GALM: variants seen among roughly 807,000 people sequenced by gnomAD.
GALM encodes aldose 1-epimerase.
In GALM, 43 loss-of-function variants were observed where a neutral mutation model predicts 37.4. The ratio of observed to expected loss-of-function variants is 1.15; its 90% CI spans 0.90 to 1.48. The LOEUF (loss-of-function observed/expected upper bound fraction) is 1.48, where lower values mean the gene tolerates loss of function less well. Among genes scored for constraint, GALM ranks in the 40% most tolerant of loss-of-function variants. The pLI is 0.00. For missense variants in GALM, 456 were observed against 419.1 expected, an observed-to-expected ratio of 1.09 and a Z score of -0.77; for synonymous variants, 199 against 170.6, an observed-to-expected ratio of 1.17 and a Z score of -1.30.
At chr2:38,679,133 T>G (rs1665332006) in intron 2 of GALM, among the ~76,000 whole-genome samples, 1 of 152,114 alleles carries the variant, frequency 6.6e-6, no homozygotes, top group African/African-American at 2.4e-5. Flanking sequence ...ATTACAGGCA[T>G]GAGCCACCAT....
At chr2:38,703,054 TTATATATATATATATATATA>T (rs1181876277) in intron 4 of GALM, among the ~76,000 whole-genome samples, 34 of 13,956 alleles carry the variant, frequency 2.4e-3, no homozygotes, top group African/African-American at 4.4e-3. Flanking sequence ...ATGTGGGATT[TTATATATATATATATATATA>T]TATATATATA....
chr2:38,671,813 G>A (rs1190020181), intron 1 of GALM, among the ~76,000 whole-genome samples: 2 of 151,916 alleles, frequency 1.3e-5, no homozygotes, highest in Non-Finnish European at 2.9e-5. Flanking sequence ...GCAACACAGG[G>A]ACACTCTGTC....
chr2:38,675,746 T>C (rs1665244810), intron 1 of GALM, among the ~76,000 whole-genome samples, 166 bp from the exon 2 acceptor site: 1 of 151,898 alleles, frequency 6.6e-6, no homozygotes, highest in Non-Finnish European at 1.5e-5. Flanking sequence ...TTTTTTTGTA[T>C]TTTTAGTAGA....
intron 4 of GALM, among the ~76,000 whole-genome samples, chr2:38,695,947 C>A (rs1665795178): frequency 1.3e-5 from 2 of 152,082 alleles, no homozygotes; most frequent in Admixed American, 1.3e-4. Context: ...GATCCACCCG[C>A]CTTAGCCTCC....
chr2:38,724,986 T>TTC (rs1308295799), intron 4 of GALM, among the ~76,000 whole-genome samples: 1 of 152,238 alleles, frequency 6.6e-6, no homozygotes, highest in Non-Finnish European at 1.5e-5. Flanking sequence ...TCTTTGTTTC[T>TTC]TCAAGCCTTC....
chr2:38,693,766 C>T (rs1665737624), intron 4 of GALM, among the ~76,000 whole-genome samples: 1 of 152,024 alleles, frequency 6.6e-6, no homozygotes, highest in Non-Finnish European at 1.5e-5. Context: ...AGTTAAAGTA[C>T]CTTACAGAGG....
intron 4 of GALM, among the ~76,000 whole-genome samples, chr2:38,721,028 T>C (rs568953218): frequency 6.6e-6 from 1 of 152,252 alleles, no homozygotes; most frequent in African/African-American, 2.4e-5. Context: ...CAACATCACA[T>C]TGTAAGGAGA....
intron 1 of GALM, among the ~76,000 whole-genome samples, chr2:38,675,266 A>G (rs772316324): frequency 6.6e-6 from 1 of 152,110 alleles, no homozygotes; most frequent in East Asian, 1.9e-4. Context: ...TGTGCACATA[A>G]GAATATTAGC....
Position 38,733,647 on chromosome 2 carries a change from C to A in GALM, c.*82C>A, listed in dbSNP as rs937055711. 4 of 992,164 alleles carry A rather than the reference C, an allele frequency of 4.0e-6. No individual in the cohort carries two copies. The highest frequency in any genetic ancestry group is 6.5e-6 in the Non-Finnish European group (4 of 616,248). 61.5% of individuals were successfully genotyped at this position (992,164 alleles called of 1,614,324 possible). On this transcript the variant is annotated 3_prime_UTR_variant, in exon 7 of 7. Coordinates refer to ENST00000272252, the MANE Select transcript of GALM (RefSeq NM_138801.3). ...CAGAAAAAAGGTGAAGATTAAGAAGCTTTCAGAATGATTCTATGGATTAAA... is the reference window on the plus strand; with the variant it reads ...CAGAAAAAAGGTGAAGATTAAGAAGATTTCAGAATGATTCTATGGATTAAA...
chr2:38,675,526 G>GTT (rs869119386), intron 1 of GALM, among the ~76,000 whole-genome samples: 54 of 74,608 alleles, frequency 7.2e-4, no homozygotes, highest in African/African-American at 1.5e-3. Flanking sequence ...GGGTTTTTTT[G>GTT]TTTTTTTTTT....
At chr2:38,683,156 A>G (rs1208945428) in intron 3 of GALM, among the ~76,000 whole-genome samples, 1 of 152,204 alleles carries the variant, frequency 6.6e-6, no homozygotes, top group Non-Finnish European at 1.5e-5. Flanking sequence ...TTATGCATGC[A>G]GTATTCCATC....
At chr2:38,711,392 C>G (rs944556087) in intron 4 of GALM, among the ~76,000 whole-genome samples, 2 of 151,964 alleles carry the variant, frequency 1.3e-5, no homozygotes. Context: ...AACTCCCAAC[C>G]TCAGGTGATC....
chr2:38,705,116 A>G (rs1449564513), intron 4 of GALM, among the ~76,000 whole-genome samples: 1 of 152,156 alleles, frequency 6.6e-6, no homozygotes, highest in Non-Finnish European at 1.5e-5. Flanking sequence ...CAGAAGGGGA[A>G]TTATTTGCTA....
intron 4 of GALM, among the ~76,000 whole-genome samples, chr2:38,694,902 AAAAAAAAAAAC>A (rs1164616587): frequency 6.0e-5 from 9 of 150,950 alleles, no homozygotes; most frequent in Non-Finnish European, 1.2e-4. Context: ...GTCTCAAAAA[AAAAAAAAAAAC>A]AAAAAAAGAA....
At position 38,718,025 on chromosome 2, in the gene GALM, G is replaced by T. The variant is rs145814275; in HGVS notation, c.635-11531G>T. 5.4e-4 allele frequency among the ~76,000 whole-genome samples: 81 copies of T among 149,728 alleles called. 1 individual carries two copies. Among genetic ancestry groups the T allele is most frequent in the African/African-American group, 1.8e-3 (74 of 40,642 alleles). ...AATATTTTCTGTTTTTTGCAGAGACGGGGATCCTGCTATGTTGCCCAGGCT... is the reference window on the plus strand; with the variant it reads ...AATATTTTCTGTTTTTTGCAGAGACTGGGATCCTGCTATGTTGCCCAGGCT... On this transcript the variant is annotated intron_variant, in intron 4 of 6. Coordinates refer to ENST00000272252, the MANE Select transcript of GALM (RefSeq NM_138801.3).
intron 4 of GALM, among the ~76,000 whole-genome samples, chr2:38,708,061 C>A (rs1187591381): frequency 6.6e-6 from 1 of 151,810 alleles, no homozygotes; most frequent in Non-Finnish European, 1.5e-5. Context: ...GAGCCGAGGT[C>A]ATGCCATTGC....
intron 4 of GALM, among the ~76,000 whole-genome samples, chr2:38,715,126 G>A (rs955450391): frequency 2.6e-5 from 4 of 152,006 alleles, no homozygotes; most frequent in East Asian, 1.9e-4. Context: ...CTTTTTTGTC[G>A]CTTTAAACAT....
intron 4 of GALM, among the ~76,000 whole-genome samples, chr2:38,712,077 T>C (rs2148449556): frequency 6.6e-6 from 1 of 152,342 alleles, no homozygotes; most frequent in African/African-American, 2.4e-5. Flanking sequence ...CATTGTTGAC[T>C]AAAGTCCAAG....
chr2:38,723,496 A>G (rs527396529), intron 4 of GALM, among the ~76,000 whole-genome samples: 1 of 152,276 alleles, frequency 6.6e-6, no homozygotes, highest in South Asian at 2.1e-4. Context: ...TCTCTTTCTA[A>G]TAAAACTCCC....
Sources: gnomAD v4.1 joint callset for allele counts (sites outside exome capture counted in the v4.1 genomes callset) on GRCh38, gnomAD v4.1.1 for gene constraint, MANE v1.5 for transcripts, NCBI Gene and HGNC (gene_info 2026-07-23, HGNC 2026-07-21) for gene names.